The following DHX9 variants were observed in gnomAD, a reference collection of about 807,000 sequenced individuals.
DHX9 encodes the protein ATP-dependent RNA helicase A.
Under a neutral mutation model 148.7 loss-of-function variants are expected in DHX9, and 27 were observed. That is an observed-to-expected ratio of 0.18 (90% CI 0.13 to 0.25). The LOEUF (loss-of-function observed/expected upper bound fraction) is 0.25, where lower values mean the gene tolerates loss of function less well. Among genes scored for constraint, DHX9 ranks in the 10% least tolerant of loss-of-function variants. The pLI is 1.00. For synonymous variants in DHX9, 529 were observed against 516.6 expected, an observed-to-expected ratio of 1.02 and a Z score of -0.33; for missense variants, 796 against 1,559.6, an observed-to-expected ratio of 0.51 and a Z score of 8.25.
At chr1:182,851,398 A>G (rs932028125) in intron 3 of DHX9, among the ~76,000 whole-genome samples, 2 of 152,348 alleles carry the variant, frequency 1.3e-5, no homozygotes, top group East Asian at 3.9e-4. Flanking sequence ...TGGAGTGGTC[A>G]GAGGAACAAT....
At chr1:182,869,650 G>A (rs376253848) in intron 14 of DHX9, among the ~76,000 whole-genome samples, 1 of 152,114 alleles carries the variant, frequency 6.6e-6, no homozygotes, top group Non-Finnish European at 1.5e-5. Flanking sequence ...TCACTCTTCC[G>A]CCCAGGCTAG....
intron 16 of DHX9, chr1:182,875,265 T>C: frequency 2.2e-6 from 1 of 454,022 alleles, no homozygotes; most frequent in Non-Finnish European, 4.4e-6. Flanking sequence ...TACTCAAAGT[T>C]TTTCAGTAGG....
chr1:182,877,891 A>T, intron 19 of DHX9, 130 bp from the exon 20 acceptor site: 1 of 1,024,646 alleles, frequency 9.8e-7, no homozygotes, highest in Non-Finnish European at 1.4e-6. Flanking sequence ...TACTTGTGCC[A>T]TTCATGAATA....
chr1:182,884,699 A>G lies in DHX9; in HGVS notation c.3347A>G (p.Lys1116Arg). The G allele has an allele frequency of 1.2e-6, 2 of 1,614,164 alleles. No individual in the cohort carries two copies. Among genetic ancestry groups the G allele is most frequent in the Non-Finnish European group, 1.7e-6 (2 of 1,180,036 alleles). ...GAGGCTTTGGTTGTTGAAGTAACCA[A>G]ACAACCTGCTATCATCAGCCAGTTG... is the stretch of plus-strand genomic sequence containing the variant. ...AMEALVVEVTKQPAIISQLDP... is the reference protein window; with the variant it reads ...AMEALVVEVTRQPAIISQLDP... The change falls in exon 27 of 28, where the codon AAA (lysine) becomes AGA (arginine). Residue 1116 changes from lysine (K) to arginine (R), a missense_variant. Physicochemically the swap from Lys to Arg is conservative, Grantham distance 26 (BLOSUM62 2). Around this residue, in one of 14 missense-constraint regions of DHX9, gnomAD observed 86 missense variants for 156.3 expected, o/e 0.55. Transcript: ENST00000367549.
chr1:182,856,519 T>A lies in DHX9; in HGVS notation c.627-13T>A. On this transcript the variant is annotated splice_polypyrimidine_tract_variant and intron_variant, in intron 6 of 27. Coordinates refer to ENST00000367549, the MANE Select transcript of DHX9 (RefSeq NM_001357.5). Reference sequence around the variant, plus strand: ...AGTGAAATTTCTAACCTTGCTTGTATATGTTGTTACAGGAGCTTTATTGCA... The same window carrying A: ...AGTGAAATTTCTAACCTTGCTTGTAAATGTTGTTACAGGAGCTTTATTGCA... 1 of 1,613,384 alleles carries A rather than the reference T, an allele frequency of 6.2e-7. No individual in the cohort carries two copies. Among genetic ancestry groups the A allele is most frequent in the Non-Finnish European group, 8.5e-7 (1 of 1,179,436 alleles).
intron 3 of DHX9, among the ~76,000 whole-genome samples, chr1:182,845,918 G>T (rs1340529997): frequency 6.6e-6 from 1 of 152,206 alleles, no homozygotes; most frequent in Non-Finnish European, 1.5e-5. Context: ...ACCTCCACCT[G>T]TTCGGCCATT....
At chr1:182,882,497 A>G (rs991778718) in intron 24 of DHX9, among the ~76,000 whole-genome samples, 1 of 152,342 alleles carries the variant, frequency 6.6e-6, no homozygotes, top group Non-Finnish European at 1.5e-5. Flanking sequence ...ATTTAAGAGT[A>G]GCAGATAAAT....
In DHX9 at chr1:182,887,289, G is replaced by A. The variant is rs752226276; in HGVS notation, c.3668G>A (p.Arg1223Gln). The change falls in exon 28 of 28, where the codon CGA (arginine) becomes CAA (glutamine). Residue 1223 changes from arginine (R) to glutamine (Q), a missense_variant. By Grantham distance (43) the Arg-to-Gln change is conservative. Coordinates refer to ENST00000367549, the MANE Select transcript of DHX9 (RefSeq NM_001357.5). Reference sequence around the variant, plus strand: ...GGTGGAGGCTATAGAGGAGTTTCCCGAGGTGGCTTTAGAGGCAACTCTGGA... The same window carrying A: ...GGTGGAGGCTATAGAGGAGTTTCCCAAGGTGGCTTTAGAGGCAACTCTGGA... Reference protein sequence around the residue: ...GVGGGYRGVSRGGFRGNSGGD... With the variant: ...GVGGGYRGVSQGGFRGNSGGD... The A allele has an allele frequency of 5.0e-6, 8 of 1,614,156 alleles. No individual in the cohort carries two copies. Among genetic ancestry groups the A allele is most frequent in the East Asian group, 4.5e-5 (2 of 44,860 alleles).
intron 16 of DHX9, chr1:182,875,256 A>G (rs1648707563): frequency 2.2e-6 from 1 of 458,842 alleles, no homozygotes; most frequent in East Asian, 6.6e-5. Context: ...AGGTTTTGCT[A>G]CTCAAAGTTT....
At chr1:182,869,458 T>C (rs1207614068) in intron 14 of DHX9, among the ~76,000 whole-genome samples, 2 of 152,136 alleles carry the variant, frequency 1.3e-5, no homozygotes, top group Non-Finnish European at 2.9e-5. Context: ...TATCTGATGC[T>C]GACCAGTCTT....
chr1:182,860,882 A>G (rs1668350547), intron 12 of DHX9, among the ~76,000 whole-genome samples: 1 of 152,204 alleles, frequency 6.6e-6, no homozygotes, highest in Non-Finnish European at 1.5e-5. Flanking sequence ...TCTACCCTGT[A>G]CTTCTGGCAC....
Position 182,876,435 on chromosome 1 carries a change from AT to A in DHX9, c.2030-10del. Reference sequence around the variant, plus strand: ...TGTTTTTAGTCCCTGATTGTTCTTTATTGTTATATAGGAAGCCATCGGTATC... The same window carrying A: ...TGTTTTTAGTCCCTGATTGTTCTTTATGTTATATAGGAAGCCATCGGTATC... On this transcript the variant is annotated splice_polypyrimidine_tract_variant and intron_variant, in intron 17 of 27. Coordinates refer to ENST00000367549, the MANE Select transcript of DHX9 (RefSeq NM_001357.5). 1 of 1,610,566 alleles carries A rather than the reference AT, an allele frequency of 6.2e-7. No individual in the cohort carries two copies. Among genetic ancestry groups the A allele is most frequent in the Middle Eastern group, 1.7e-4 (1 of 5,962 alleles).
chr1:182,853,550 T>C (rs897253532), intron 5 of DHX9, 132 bp downstream of exon 5: 7 of 612,644 alleles, frequency 1.1e-5, no homozygotes, highest in African/African-American at 9.5e-5. Context: ...AGACTACTTA[T>C]TAGCACAAGT....
At chr1:182,851,239 A>G (rs538249704) in intron 3 of DHX9, among the ~76,000 whole-genome samples, 1 of 152,340 alleles carries the variant, frequency 6.6e-6, no homozygotes, top group South Asian at 2.1e-4. Context: ...ACATGTTGCT[A>G]TATATATTGG....
At chr1:182,868,883 A>G (rs1648419604) in intron 14 of DHX9, among the ~76,000 whole-genome samples, 1 of 152,212 alleles carries the variant, frequency 6.6e-6, no homozygotes, top group African/African-American at 2.4e-5. Flanking sequence ...TGGATGGCTT[A>G]TGATGACTAT....
At chr1:182,842,822 C>T in intron 2 of DHX9, 145 bp downstream of exon 2, 1 of 573,618 alleles carries the variant, frequency 1.7e-6, no homozygotes, top group Non-Finnish European at 3.0e-6. Flanking sequence ...TATTGTAAAT[C>T]ATTTTCAAGT....
At chr1:182,878,798 G>A (rs1310719689) in intron 20 of DHX9, among the ~76,000 whole-genome samples, 1 of 152,186 alleles carries the variant, frequency 6.6e-6, no homozygotes, top group Non-Finnish European at 1.5e-5. Context: ...AAGTCAAAAA[G>A]TTTTGGATTT....
At chr1:182,877,267 C>A (rs1475135381) in intron 19 of DHX9, among the ~76,000 whole-genome samples, 1 of 152,050 alleles carries the variant, frequency 6.6e-6, no homozygotes, top group African/African-American at 2.4e-5. Context: ...AAATATCCTA[C>A]CTTGAAGGAC....
In DHX9 at chr1:182,858,762, C is replaced by G. The variant is rs1479754425; in HGVS notation, c.930C>G (p.Leu310=). 1 of 1,613,974 alleles carries G rather than the reference C, an allele frequency of 6.2e-7. No homozygotes were observed. Among genetic ancestry groups the G allele is most frequent in the African/African-American group, 1.3e-5 (1 of 74,886 alleles). ...PPEDPSVPVA[L]NIGKLAQFEP... ...AAGATCCTTCTGTGCCAGTTGCACT[C>G]AACATTGGCAAATTGGCTCAGTTCG... Residue 310 remains leucine (L), a synonymous_variant, in exon 10 of 28, where the codon CTC becomes CTG. Coordinates refer to ENST00000367549, the MANE Select transcript of DHX9 (RefSeq NM_001357.5).
Sources: allele counts gnomAD v4.1 joint callset (sites outside exome capture counted in the v4.1 genomes callset), GRCh38; gene constraint gnomAD v4.1.1; regional missense constraint gnomAD v4.1.1; transcripts MANE v1.5; gene names NCBI Gene and HGNC (gene_info 2026-07-23, HGNC 2026-07-21).